INHBC: variants seen among roughly 807,000 people sequenced by gnomAD.
INHBC encodes inhibin beta C chain.
In INHBC, 10 loss-of-function variants were observed where a neutral mutation model predicts 12.4. The observed-to-expected ratio is 0.81, with a 90% CI of 0.50 to 1.37. INHBC has a LOEUF of 1.37. INHBC is among the 40% of genes most tolerant of loss of function. The pLI is 0.00. For synonymous variants in INHBC, 147 were observed against 171.6 expected (o/e 0.86, Z 1.12); for missense variants, 382 against 439.4 (o/e 0.87, Z 1.17).
At chr12:57,436,978 A>G (rs971520518) in intron 1 of INHBC, among the ~76,000 whole-genome samples, 1 of 151,996 alleles carries the variant, frequency 6.6e-6, no homozygotes, top group African/African-American at 2.4e-5. Flanking sequence ...ATATTTTTTT[A>G]CAGAGACAAG....
chr12:57,444,465 G>A (rs1026585268), intron 1 of INHBC, among the ~76,000 whole-genome samples: 2 of 151,310 alleles, frequency 1.3e-5, no homozygotes, highest in African/African-American at 2.4e-5. Flanking sequence ...TGCTTGAACC[G>A]GGTAGGTGGA....
intron 1 of INHBC, among the ~76,000 whole-genome samples, chr12:57,445,870 C>T (rs1870565286): frequency 6.6e-6 from 1 of 151,914 alleles, no homozygotes; most frequent in Non-Finnish European, 1.5e-5. Context: ...CTCAGCCTCC[C>T]AAGTAGCTGG....
intron 1 of INHBC, among the ~76,000 whole-genome samples, chr12:57,439,300 A>G (rs910457811): frequency 2.0e-5 from 3 of 152,302 alleles, no homozygotes; most frequent in Middle Eastern, 3.4e-3. Flanking sequence ...AAAACTTCTT[A>G]TATTCAGCCA....
chr12:57,451,268 C>G lies in INHBC; in HGVS notation c.*1246C>G, dbSNP rs548515603. ...GATCTATGCTTGGTCATCCAGTAAA[C>G]TGACCAGCTGTGGGCACGCAAGTGT... On this transcript the variant is annotated 3_prime_UTR_variant, in exon 2 of 2. Transcript: ENST00000309668. Among the ~76,000 whole-genome samples the G allele has an allele frequency of 6.6e-5, 10 of 152,348 alleles. No homozygotes were observed. The highest frequency in any genetic ancestry group is 1.3e-4 in the Non-Finnish European group (9 of 68,040).
At chr12:57,437,778 G>GTCTTTGTTTGTT (rs1555324634) in intron 1 of INHBC, among the ~76,000 whole-genome samples, 1 of 150,006 alleles carries the variant, frequency 6.7e-6, no homozygotes, top group African/African-American at 2.5e-5. Context: ...CCTCGTTTTT[G>GTCTTTGTTTGTT]TGTTTGTTTG....
intron 1 of INHBC, among the ~76,000 whole-genome samples, chr12:57,441,229 C>T (rs1287150819): frequency 6.6e-6 from 1 of 151,980 alleles, no homozygotes. Context: ...TGGTGCATGT[C>T]TGTAATCCCA....
At chr12:57,436,432 G>A (rs1437866041) in intron 1 of INHBC, among the ~76,000 whole-genome samples, 1 of 150,604 alleles carries the variant, frequency 6.6e-6, no homozygotes, top group African/African-American at 2.4e-5. Context: ...CAAAGTGCTG[G>A]GATTACAAGT....
In INHBC at chr12:57,435,347, G is replaced by C. The variant is rs558131466; in HGVS notation, c.313+148G>C. 6.8e-6 allele frequency: 5 copies of C among 734,188 alleles called. No homozygotes were observed. In the South Asian group the frequency reaches 9.4e-5, roughly 14 times the overall value. 45.5% of individuals were successfully genotyped at this position (734,188 alleles called of 1,614,324 possible). ...TATAATCTCCTTACCCAGGTGTCCC[G>C]ACAACCCCCACATCCCTCTGGGGTC... is the stretch of plus-strand genomic sequence containing the variant. On this transcript the variant is annotated intron_variant, in intron 1 of 1. Transcript: ENST00000309668.
intron 1 of INHBC, among the ~76,000 whole-genome samples, chr12:57,435,470 C>G (rs1351297258): frequency 6.6e-6 from 1 of 152,204 alleles, no homozygotes; most frequent in Non-Finnish European, 1.5e-5. Context: ...GCTCCTCTCT[C>G]TGCAGGCCCC....
At chr12:57,436,497 CAG>C (rs1186616681) in intron 1 of INHBC, among the ~76,000 whole-genome samples, 1 of 106,210 alleles carries the variant, frequency 9.4e-6, no homozygotes, top group South Asian at 3.2e-4. Flanking sequence ...TTTTTTGAGA[CAG>C]AGTCTTCATC....
chr12:57,444,263 C>G (rs1870529455), intron 1 of INHBC, among the ~76,000 whole-genome samples: 1 of 152,024 alleles, frequency 6.6e-6, no homozygotes, highest in Admixed American at 6.5e-5. Context: ...CCACACTGGA[C>G]CGGACTTGGT....
intron 1 of INHBC, among the ~76,000 whole-genome samples, chr12:57,448,567 TAAAAA>T (rs10577805): frequency 1.2e-4 from 14 of 121,576 alleles, no homozygotes; most frequent in Admixed American, 2.5e-4. Flanking sequence ...AGACTCCGTC[TAAAAA>T]AAAAAAAAAA....
At chr12:57,447,892 A>AATATATAT (rs1241342566) in intron 1 of INHBC, among the ~76,000 whole-genome samples, 494 of 19,806 alleles carry the variant, frequency 0.025, 14 homozygotes, top group Middle Eastern at 0.14. Flanking sequence ...AAAAAAAAAA[A>AATATATAT]ATATATATAT....
In INHBC at chr12:57,451,206, A is replaced by T. The variant is rs2139837338; in HGVS notation, c.*1184A>T. On this transcript the variant is annotated 3_prime_UTR_variant, in exon 2 of 2. Coordinates refer to ENST00000309668, the MANE Select transcript of INHBC (RefSeq NM_005538.4). ...CATGGCTAATAAAAACCTAGGCTTT[A>T]CCTGTTCCCTCTGTAATCCCTCCAA... Among the ~76,000 whole-genome samples the T allele has an allele frequency of 6.6e-6, 1 of 152,282 alleles. No individual in the cohort carries two copies. Among genetic ancestry groups the T allele is most frequent in the Admixed American group, 6.5e-5 (1 of 15,292 alleles).
intron 1 of INHBC, among the ~76,000 whole-genome samples, chr12:57,436,798 C>T (rs2139829626): frequency 6.6e-6 from 1 of 152,180 alleles, no homozygotes; most frequent in Non-Finnish European, 1.5e-5. Context: ...TCCCGAGTAG[C>T]TGGGGCTACA....
In INHBC at chr12:57,435,132, C is replaced by T. The variant is rs755173856; in HGVS notation, c.246C>T (p.Val82=). The T allele has an allele frequency of 1.9e-6, 3 of 1,614,168 alleles. No homozygotes were observed. The highest frequency in any genetic ancestry group is 2.5e-6 in the Non-Finnish European group (3 of 1,180,030). ...LRTALQHLHG[V]PQGALLEDNR... is the part of the protein sequence containing the mutation. ...CTGCACTGCAGCACCTCCACGGGGT[C>T]CCACAGGGGGCACTTCTAGAGGACA... Residue 82 remains valine, a synonymous_variant, in exon 1 of 2, where the codon GTC becomes GTT. Coordinates refer to ENST00000309668, the MANE Select transcript of INHBC (RefSeq NM_005538.4).
intron 1 of INHBC, among the ~76,000 whole-genome samples, chr12:57,438,740 GTCTGCCC>G (rs1316097689): frequency 3.3e-5 from 5 of 152,192 alleles, no homozygotes; most frequent in African/African-American, 1.2e-4. Context: ...GCCTACTAAA[GTCTGCCC>G]TCTGACCCCT....
chr12:57,446,181 C>T (rs1870573782), intron 1 of INHBC, among the ~76,000 whole-genome samples: 1 of 152,098 alleles, frequency 6.6e-6, no homozygotes, highest in South Asian at 2.1e-4. Flanking sequence ...ACTGATCCAC[C>T]TGCCTCTGCC....
At chr12:57,441,281 G>C (rs1020442968) in intron 1 of INHBC, among the ~76,000 whole-genome samples, 20 of 151,256 alleles carry the variant, frequency 1.3e-4, no homozygotes, top group African/African-American at 3.6e-4. Context: ...TTGAACCCAG[G>C]GGGTGGAGGT....
Sources: allele counts gnomAD v4.1 joint callset (sites outside exome capture counted in the v4.1 genomes callset), GRCh38; gene constraint gnomAD v4.1.1; transcripts MANE v1.5; gene names NCBI Gene and HGNC (gene_info 2026-07-23, HGNC 2026-07-21).